The following GNAS variants were observed in gnomAD, a reference collection of about 807,000 sequenced individuals.
GNAS encodes GNAS complex locus.
Under a neutral mutation model 54.5 loss-of-function variants are expected in GNAS, and 8 were observed. That is an observed-to-expected ratio of 0.15 (90% CI 0.09 to 0.26). The LOEUF (loss-of-function observed/expected upper bound fraction) is 0.26, where lower values mean the gene tolerates loss of function less well. Among genes scored for constraint, GNAS ranks in the 10% least tolerant of loss-of-function variants. GNAS has a pLI of 1.00. For synonymous variants in GNAS, 204 were observed against 191.4 expected, an observed-to-expected ratio of 1.07 and a Z score of -0.54; for missense variants, 170 against 529.8, an observed-to-expected ratio of 0.32 and a Z score of 6.67.
chr20:58,898,638 C>T (rs554256905), intron 2 of GNAS: 23 of 526,672 alleles, frequency 4.4e-5, no homozygotes, highest in East Asian at 2.9e-4. Context: ...AATGCGTGTA[C>T]GTTTAGTGAA....
chr20:58,895,575 C>T, intron 1 of GNAS, 37 bp from the exon 2 acceptor site: 1 of 1,285,166 alleles, frequency 7.8e-7, no homozygotes, highest in Non-Finnish European at 1.1e-6. Flanking sequence ...TGTTAAAATG[C>T]CTCCTTCATA....
chr20:58,892,067 C>CG, intron 1 of GNAS: 1 of 855,376 alleles, frequency 1.2e-6, no homozygotes, highest in Non-Finnish European at 1.4e-6. Context: ...AAAAACGGGG[C>CG]GGGGGGCCGT....
At chr20:58,851,172 G>A (rs539955404) in intron 1 of GNAS, among the ~76,000 whole-genome samples, 207 of 152,296 alleles carry the variant, frequency 1.4e-3, no homozygotes, top group African/African-American at 4.8e-3. Flanking sequence ...ATATATCTTT[G>A]GGGGATCCCA....
chr20:58,873,672 C>T lies in GNAS; in HGVS notation c.44-21940C>T, dbSNP rs1260272617. ...TTAGAAGGACGAATCCTTGCCTGGT[C>T]GGTGAGTTTGCCTCAATTCGGGCAT... On this transcript the variant is annotated intron_variant, in intron 1 of 12. Transcript: ENST00000306090. The surrounding 1 kb of genome is among the most constrained non-coding windows in gnomAD (Gnocchi z 4.3). Among the ~76,000 whole-genome samples, 2 of 152,180 alleles carry T rather than the reference C, an allele frequency of 1.3e-5. No individual in the cohort carries two copies. Among genetic ancestry groups the T allele is most frequent in the Non-Finnish European group, 2.9e-5 (2 of 68,030 alleles).
Position 58,882,085 on chromosome 20 carries a change from T to G in GNAS, c.44-13527T>G, listed in dbSNP as rs533838758. Among the ~76,000 whole-genome samples the G allele has an allele frequency of 6.6e-5, 10 of 152,358 alleles. No homozygotes were observed. In the South Asian group the frequency reaches 1.9e-3, roughly 28 times the overall value. ...TTGTTTGTGTTTGTTTTGTTTTGTT[T>G]TGAGACGGAGTCTGGGTTTGTCGCC... On this transcript the variant is annotated intron_variant, in intron 1 of 12. Transcript: ENST00000306090.
intron 1 of GNAS, chr20:58,895,190 A>G (rs1319514739): frequency 1.5e-5 from 4 of 269,230 alleles, no homozygotes; most frequent in Admixed American, 1.0e-4. Flanking sequence ...AACATCTGAC[A>G]ACAAATTATG....
At chr20:58,899,035 G>C (rs2146081177) in intron 3 of GNAS, 50 bp downstream of exon 3, 2 of 1,431,406 alleles carry the variant, frequency 1.4e-6, no homozygotes, top group Non-Finnish European at 2.0e-6. Flanking sequence ...AAACAAACAT[G>C]AAGATCATAC....
At position 58,841,604 on chromosome 20, in the gene GNAS, G is replaced by C; in HGVS notation, c.43+718G>C. On this transcript the variant is annotated intron_variant, in intron 1 of 12. Transcript: ENST00000306090. This position sits in a 1 kb window ranked among gnomAD's most constrained non-coding sequence, Gnocchi z 5.0. ...GGACAGAGACCGCCTCAAAGAGCGT[G>C]CGCACCTGCCCGCGCGCGCCGGAGC... 9.7e-7 allele frequency: 1 copy of C among 1,032,370 alleles called. No homozygotes were observed. The highest frequency in any genetic ancestry group is 1.2e-6 in the Non-Finnish European group (1 of 860,872). 64.0% of individuals were successfully genotyped at this position (1,032,370 alleles called of 1,614,324 possible).
upstream of GNAS, among the ~76,000 whole-genome samples, chr20:58,890,271 G>A (rs1266097786): frequency 1.3e-5 from 2 of 150,790 alleles, no homozygotes; most frequent in Non-Finnish European, 3.0e-5. Context: ...CGCCGCGGCC[G>A]CCGCCGACGA....
chr20:58,885,037 G>A (rs2088494025), intron 1 of GNAS: 2 of 152,230 alleles, frequency 1.3e-5, no homozygotes. Context: ...GGTAACATGT[G>A]CATCATATCA....
rs890115794 is a variant in GNAS at position 58,841,687 on chromosome 20, G to A, written c.43+801G>A. On this transcript the variant is annotated intron_variant, in intron 1 of 12. Coordinates refer to the GNAS transcript ENST00000306090. The surrounding 1 kb of genome is among the most constrained non-coding windows in gnomAD (Gnocchi z 5.0). ...AGTACCTGGGGGAAAGGTAGAGGAG[G>A]TAAGGGGACCCTTGGGGATGCCCCT... 2.1e-5 allele frequency: 25 copies of A among 1,193,314 alleles called. No homozygotes were observed. In the African/African-American group the frequency reaches 3.6e-4, roughly 17 times the overall value. 73.9% of individuals were successfully genotyped at this position (1,193,314 alleles called of 1,614,324 possible). A position where few individuals can be genotyped will look rare whatever the true frequency, so the allele number is the denominator to read the frequency against.
chr20:58,890,275 C>CCGA (rs960551912), upstream of GNAS, among the ~76,000 whole-genome samples: 6 of 150,816 alleles, frequency 4.0e-5, no homozygotes, highest in African/African-American at 9.7e-5. Flanking sequence ...GCGGCCGCCG[C>CCGA]CGACGACGAC....
chr20:58,852,638 G>T (rs528881012), intron 1 of GNAS: 1 of 182,612 alleles, frequency 5.5e-6, no homozygotes, highest in Non-Finnish European at 1.2e-5. Flanking sequence ...GTACTCCAGC[G>T]TTCCGAGGCC....
In GNAS at chr20:58,911,110, GAAATA is replaced by G. The variant is rs2091411318; in HGVS notation, c.*285_*289del. On this transcript the variant is annotated 3_prime_UTR_variant, in exon 13 of 13. Coordinates refer to ENST00000371085, the MANE Select transcript of GNAS (RefSeq NM_000516.7). ...AACAGCAGCAGCAAACAAATAAAAT[GAAATA>G]AAAGAAACAAATGAAATAAATATTG... 1.7e-6 allele frequency: 1 copy of G among 574,132 alleles called. No homozygotes were observed. The highest frequency in any genetic ancestry group is 1.6e-5 in the South Asian group (1 of 60,962). The allele number at this position is 574,132 out of a possible 1,614,324, so 35.6% of individuals were successfully genotyped here.
intron 1 of GNAS, chr20:58,855,124 T>G: frequency 6.2e-7 from 1 of 1,613,718 alleles, no homozygotes; most frequent in Non-Finnish European, 8.5e-7. Context: ...GGGGGCTGCT[T>G]CGGTCGATCT....
At position 58,856,643 on chromosome 20, in the gene GNAS, G is replaced by A. The variant is rs968043016; in HGVS notation, c.43+15757G>A. The A allele has an allele frequency of 6.6e-6, 1 of 152,236 alleles. No homozygotes were observed. The highest frequency in any genetic ancestry group is 2.4e-5 in the African/African-American group (1 of 41,456). The allele number at this position is 152,236 out of a possible 1,614,324, so 9.4% of individuals were successfully genotyped here. On this transcript the variant is annotated intron_variant, in intron 1 of 12. Transcript: ENST00000306090. This position sits in a 1 kb window ranked among gnomAD's most constrained non-coding sequence, Gnocchi z 4.2. ...AATGTTTGCATGTGAATTTTTTCAG[G>A]CAGCTTTAGCTGGGGGCAAAGAGGC...
chr20:58,890,493 G>T (rs964648361), upstream of GNAS: 1 of 152,158 alleles, frequency 6.6e-6, no homozygotes, highest in African/African-American at 2.4e-5. Flanking sequence ...GGTGTTCCTG[G>T]TCTTCTCGGT....
chr20:58,870,753 G>A (rs192630179), intron 1 of GNAS, among the ~76,000 whole-genome samples: 4 of 152,218 alleles, frequency 2.6e-5, no homozygotes, highest in African/African-American at 7.2e-5. Flanking sequence ...TCCCTTAGAG[G>A]GAACCACACC....
intron 1 of GNAS, chr20:58,855,966 T>C (rs2086483228): frequency 3.3e-6 from 1 of 301,878 alleles, no homozygotes; most frequent in Non-Finnish European, 6.2e-6. Context: ...TCGCACACTC[T>C]GGTGGTACCT....
Sources: gnomAD v4.1 joint callset for allele counts (sites outside exome capture counted in the v4.1 genomes callset) on GRCh38, gnomAD v4.1.1 for gene constraint, Gnocchi (gnomAD v3.1) non-coding constraint, MANE v1.5 for transcripts, NCBI Gene and HGNC (gene_info 2026-07-23, HGNC 2026-07-21) for gene names.